PAQR3: variants seen among roughly 807,000 people sequenced by gnomAD.
PAQR3 encodes the protein Raf kinase trapping to Golgi.
A neutral mutation model predicts 41.7 loss-of-function variants in PAQR3; 39 were observed. That is an observed-to-expected ratio of 0.93 (90% confidence interval 0.72 to 1.22). The LOEUF is 1.22. Among genes scored for constraint, PAQR3 ranks in the 50% most tolerant of loss-of-function variants. The probability of loss-of-function intolerance (pLI) is 0.00; values close to 1 mark genes in which losing one functional copy is unlikely to be tolerated. For synonymous variants in PAQR3, 140 were observed against 140.6 expected (o/e 1.00, Z 0.03); for missense variants, 366 against 385.6 (o/e 0.95, Z 0.42).
intron 5 of PAQR3, chr4:78,922,352 A>G: frequency 1.6e-6 from 2 of 1,288,424 alleles, no homozygotes; most frequent in Non-Finnish European, 2.0e-6. Context: ...AGGGTTTCTC[A>G]CCCTTTCTTC....
At chr4:78,911,200 T>G, downstream of PAQR3, 1 of 1,613,764 alleles carries the variant, frequency 6.2e-7, no homozygotes, top group Non-Finnish European at 8.5e-7. Flanking sequence ...TCAACACAGG[T>G]TTCCTGCTGC....
chr4:78,892,363 T>C (rs987312086), intron 11 of PAQR3, among the ~76,000 whole-genome samples: 2 of 152,214 alleles, frequency 1.3e-5, no homozygotes, highest in African/African-American at 2.4e-5. Flanking sequence ...CTGGGTTTTA[T>C]TGACGTGAAG....
At chr4:78,895,456 A>ACTTC in intron 11 of PAQR3, among the ~76,000 whole-genome samples, 1 of 152,192 alleles carries the variant, frequency 6.6e-6, no homozygotes, top group African/African-American at 2.4e-5. Flanking sequence ...TTAAAGGTTG[A>ACTTC]AATCCCAGAG....
chr4:78,891,281 T>C (rs2110080427), intron 11 of PAQR3, among the ~76,000 whole-genome samples: 1 of 152,250 alleles, frequency 6.6e-6, no homozygotes, highest in East Asian at 1.9e-4. Context: ...CTTTTTCTTA[T>C]TCCTGCTCCT....
intron 11 of PAQR3, among the ~76,000 whole-genome samples, chr4:78,897,972 A>G (rs1290934781): frequency 6.6e-6 from 1 of 152,206 alleles, no homozygotes; most frequent in Non-Finnish European, 1.5e-5. Flanking sequence ...CAAAGGAGAG[A>G]GTTGCTTTAT....
intron 1 of PAQR3, among the ~76,000 whole-genome samples, chr4:78,938,663 G>A (rs935276523): frequency 1.3e-5 from 2 of 151,964 alleles, no homozygotes; most frequent in Non-Finnish European, 2.9e-5. Flanking sequence ...CTGGCCCAAA[G>A]CTACTGAATT....
chr4:78,939,040 C>A lies in PAQR3; in HGVS notation c.185G>T (p.Ser62Ile). The A allele has an allele frequency of 6.3e-7, 1 of 1,599,718 alleles. No homozygotes were observed. The highest frequency in any genetic ancestry group is 8.5e-7 in the Non-Finnish European group (1 of 1,169,886). ...AYLPSRLCIK[S>I]LFILSNETVN... ...CCAGGCGGAGGCAGCCAGACCGTAC[C>A]TTTTGATACACAGCCTGGACGGCAG... The change falls in exon 1 of 6, where the codon AGT becomes ATT. Residue 62 changes from serine to isoleucine, a missense_variant and splice_region_variant. Ser to Ile is a moderately radical substitution (Grantham distance 142). Transcript: ENST00000512733.
At chr4:78,895,627 T>G in intron 11 of PAQR3, among the ~76,000 whole-genome samples, 1 of 151,996 alleles carries the variant, frequency 6.6e-6, no homozygotes, top group Non-Finnish European at 1.5e-5. Flanking sequence ...ATCTATAGAT[T>G]TATTAATGGA....
In PAQR3 at chr4:78,912,027, A is replaced by G; in HGVS notation, c.*8512T>C. On this transcript the variant is annotated 3_prime_UTR_variant, in exon 6 of 6. Coordinates refer to ENST00000512733, the MANE Select transcript of PAQR3 (RefSeq NM_001040202.2). ...TTGGTGCTGCTCCATTTCCTTCTAA[A>G]CAGTAGATACTTCTGATGGATTCTC... The G allele has an allele frequency of 6.2e-7, 1 of 1,600,972 alleles. No individual in the cohort carries two copies. The highest frequency in any genetic ancestry group is 8.5e-7 in the Non-Finnish European group (1 of 1,172,234).
At chr4:78,909,751 C>G (rs77725780), downstream of PAQR3, among the ~76,000 whole-genome samples, 736 of 152,298 alleles carry the variant, frequency 4.8e-3, 5 homozygotes, top group African/African-American at 0.017. Flanking sequence ...TCCTTTATTT[C>G]AGAGCACTAG....
At chr4:78,933,510 T>C (rs1347838443) in intron 2 of PAQR3, among the ~76,000 whole-genome samples, 2 of 152,228 alleles carry the variant, frequency 1.3e-5, no homozygotes, top group Non-Finnish European at 2.9e-5. Context: ...TTTACTATAC[T>C]GTCCACTGAC....
Position 78,916,624 on chromosome 4 carries a change from T to G in PAQR3, c.*3915A>C, listed in dbSNP as rs565049927. The G allele has an allele frequency of 5.3e-5, 8 of 152,040 alleles. 1 individual carries two copies. The South Asian group carries it at 1.7e-3, about 31-fold the overall frequency. 9.4% of individuals were successfully genotyped at this position (152,040 alleles called of 1,614,324 possible). ...GCACGACTTTTTCAGTGAGTCATAATTACTGATACTCGAGTGATGACAGTA... is the reference window on the plus strand; with the variant it reads ...GCACGACTTTTTCAGTGAGTCATAAGTACTGATACTCGAGTGATGACAGTA... On this transcript the variant is annotated 3_prime_UTR_variant, in exon 6 of 6. Coordinates refer to ENST00000512733, the MANE Select transcript of PAQR3 (RefSeq NM_001040202.2).
downstream of PAQR3, among the ~76,000 whole-genome samples, chr4:78,907,071 C>A (rs1258602205): frequency 6.6e-6 from 1 of 151,726 alleles, no homozygotes; most frequent in Non-Finnish European, 1.5e-5. Context: ...ATCTAAAATG[C>A]CGAAAAACTA....
Position 78,913,966 on chromosome 4 carries a change from A to T in PAQR3, c.*6573T>A, listed in dbSNP as rs1426954346. 2.6e-5 allele frequency: 4 copies of T among 152,032 alleles called. No homozygotes were observed. The highest frequency in any genetic ancestry group is 4.4e-5 in the Non-Finnish European group (3 of 67,952). The allele number at this position is 152,032 out of a possible 1,614,324, so 9.4% of individuals were successfully genotyped here. On this transcript the variant is annotated 3_prime_UTR_variant, in exon 6 of 6. Coordinates refer to ENST00000512733, the MANE Select transcript of PAQR3 (RefSeq NM_001040202.2). The stretch of plus-strand genomic sequence containing the variant: ...AATGCAAATGCTCAAGTAGATGTTT[A>T]AAAACTTTACAAAATAGATTCAAGT...
downstream of PAQR3, among the ~76,000 whole-genome samples, chr4:78,907,186 T>C (rs551627474): frequency 6.6e-6 from 1 of 152,294 alleles, no homozygotes; most frequent in African/African-American, 2.4e-5. Context: ...CCTGAAAAGA[T>C]GCATTAAAAA....
rs1224701752 is a variant in PAQR3, at chr4:78,912,335, T to C, written c.*8204A>G. On this transcript the variant is annotated 3_prime_UTR_variant, in exon 6 of 6. Coordinates refer to ENST00000512733, the MANE Select transcript of PAQR3 (RefSeq NM_001040202.2). ...TGAAAGCACATGGCACCTTTCTAGG[T>C]GTGTAGCCACTGAGAAGGGACAGTG... 3.5e-6 allele frequency: 1 copy of C among 288,970 alleles called. No homozygotes were observed. The highest frequency in any genetic ancestry group is 2.2e-5 in the African/African-American group (1 of 46,076). The allele number at this position is 288,970 out of a possible 1,614,324, so 17.9% of individuals were successfully genotyped here.
At position 78,914,819 on chromosome 4, in the gene PAQR3, T is replaced by C. The variant is rs1003692493; in HGVS notation, c.*5720A>G. 1 of 151,818 alleles carries C rather than the reference T, an allele frequency of 6.6e-6. No homozygotes were observed. The highest frequency in any genetic ancestry group is 6.6e-5 in the Admixed American group (1 of 15,214). The allele number at this position is 151,818 out of a possible 1,614,324, so 9.4% of individuals were successfully genotyped here. ...GTAGTTATAACTAAACCTGTTATACTTGAACATCACTAAGAGAAGTAAATT... is the reference window on the plus strand; with the variant it reads ...GTAGTTATAACTAAACCTGTTATACCTGAACATCACTAAGAGAAGTAAATT... On this transcript the variant is annotated 3_prime_UTR_variant, in exon 6 of 6. Transcript: ENST00000512733.
intron 11 of PAQR3, among the ~76,000 whole-genome samples, chr4:78,888,333 G>C (rs533413243): frequency 2.6e-5 from 4 of 152,280 alleles, no homozygotes; most frequent in South Asian, 4.1e-4. Context: ...CTGCATAAAT[G>C]TGTTCCCTTA....
chr4:78,896,193 C>T (rs1379805513), intron 11 of PAQR3, among the ~76,000 whole-genome samples: 1 of 152,210 alleles, frequency 6.6e-6, no homozygotes. Context: ...AATAATCCTA[C>T]TGTCACTGCC....
Sources: gnomAD v4.1 joint callset for allele counts (sites outside exome capture counted in the v4.1 genomes callset) on GRCh38, gnomAD v4.1.1 for gene constraint, MANE v1.5 for transcripts, NCBI Gene and HGNC (gene_info 2026-07-23, HGNC 2026-07-21) for gene names.